MUC6: variants seen among roughly 807,000 people sequenced by gnomAD.
MUC6 encodes mucin-6.
MUC6 carries 188 observed loss-of-function variants against 201.5 expected under a neutral mutation model. The observed-to-expected ratio is 0.93, with a 90% CI of 0.83 to 1.05. The LOEUF (loss-of-function observed/expected upper bound fraction) is 1.05. Among genes scored for constraint, MUC6 ranks in the 50% least tolerant of loss-of-function variants. The pLI, the probability that MUC6 is intolerant of heterozygous loss-of-function variation, is 0.00. For missense variants in MUC6, 2,706 were observed against 3,256.9 expected, an observed-to-expected ratio of 0.83 and a Z score of 4.12; for synonymous variants, 1,228 against 1,389.4, an observed-to-expected ratio of 0.88 and a Z score of 2.58.
chr11:1,013,682 A>G (rs1396478912), intron 32 of MUC6, 49 bp from the exon 33 acceptor site: 1 of 1,519,348 alleles, frequency 6.6e-7, no homozygotes, highest in Admixed American at 2.0e-5. Flanking sequence ...GCAGGGGCAT[A>G]AGGCCCCTCC....
intron 7 of MUC6, 29 bp from the exon 8 acceptor site, chr11:1,030,364 G>A (rs1857071493): frequency 1.3e-6 from 2 of 1,540,258 alleles, no homozygotes; most frequent in Non-Finnish European, 8.7e-7. Context: ...CCGGTGAGAG[G>A]GTCCCACCCC....
Position 1,030,789 on chromosome 11 carries a change from G to C in MUC6, c.685-9C>G. On this transcript the variant is annotated splice_polypyrimidine_tract_variant and intron_variant, in intron 6 of 32. Transcript: ENST00000421673. The stretch of plus-strand genomic sequence containing the variant: ...TGGGTGCAGATCCGGGCCTGGGGGG[G>C]CCACTCAGGGTCATGGGGGCAAAGG... 1 of 1,534,882 alleles carries C rather than the reference G, an allele frequency of 6.5e-7. No homozygotes were observed. The highest frequency in any genetic ancestry group is 8.7e-7 in the Non-Finnish European group (1 of 1,146,066).
In MUC6 at chr11:1,013,899, C is replaced by T. The variant is rs1415710087; in HGVS notation, c.7142G>A (p.Ser2381Asn). The part of the protein sequence containing the change: ...RCEGACISAA[S>N]FNIITQQVDA... ...GCAGGCCTCCCACCTGTGGACTCACCTGGCAGCGGAAATGCAGGCGCCCTC... is the reference window on the plus strand; with the variant it reads ...GCAGGCCTCCCACCTGTGGACTCACTTGGCAGCGGAAATGCAGGCGCCCTC... Residue 2381 changes from serine (S) to asparagine (N), a missense_variant and splice_region_variant, in exon 32 of 33, where the codon AGC (serine) becomes AAC (asparagine). By Grantham distance (46) the Ser-to-Asn change is conservative. Transcript: ENST00000421673. The T allele has an allele frequency of 1.2e-5, 19 of 1,602,502 alleles. No individual in the cohort carries two copies. Among genetic ancestry groups the T allele is most frequent in the Non-Finnish European group, 1.5e-5 (18 of 1,175,622 alleles).
At position 1,018,665 on chromosome 11, in the gene MUC6, T is replaced by C. The variant is rs753536206; in HGVS notation, c.4136A>G (p.Gln1379Arg). 9 of 1,613,054 alleles carry C rather than the reference T, an allele frequency of 5.6e-6. No homozygotes were observed. The highest frequency in any genetic ancestry group is 7.6e-6 in the Non-Finnish European group (9 of 1,179,614). Residue 1379 changes from glutamine (Q) to arginine (R), a missense_variant, in exon 31 of 33, where the codon CAA (glutamine) becomes CGA (arginine). Physicochemically the swap from Gln to Arg is conservative, Grantham distance 43 (BLOSUM62 1). Transcript: ENST00000421673. Reference protein sequence around the residue: ...TTGPTTPQPGQPTRPTATETT... With the variant: ...TTGPTTPQPGRPTRPTATETT... ...CTCTGTGGCTGTGGGCCTCGTGGGTTGTCCTGGCTGTGGGGTGGTTGGGCC... is the reference window on the plus strand; with the variant it reads ...CTCTGTGGCTGTGGGCCTCGTGGGTCGTCCTGGCTGTGGGGTGGTTGGGCC...
Position 1,024,062 on chromosome 11 carries a change from T to G in MUC6, c.3267A>C (p.Ala1089=). 6.2e-7 allele frequency: 1 copy of G among 1,613,102 alleles called. No homozygotes were observed. The highest frequency in any genetic ancestry group is 1.3e-5 in the African/African-American group (1 of 75,058). ...LPYYEACVRD[A]CGCDSGGDCE... ...AGTCCCCGCCACTGTCACACCCACA[T>G]GCGTCGCGCACGCAGGCCTCGTAGT... The change falls in exon 25 of 33, where the codon GCA becomes GCC. Residue 1089 remains alanine, a synonymous_variant. Coordinates refer to ENST00000421673, the MANE Select transcript of MUC6 (RefSeq NM_005961.3).
Position 1,016,270 on chromosome 11 carries a change from C to T in MUC6, c.6531G>A (p.Ser2177=), listed in dbSNP as rs746672608. 52 of 1,612,690 alleles carry T rather than the reference C, an allele frequency of 3.2e-5. No individual in the cohort carries two copies. The highest frequency in any genetic ancestry group is 2.9e-4 in the East Asian group (13 of 44,880). ...GAGTGGACAATGAGGAGTGTGACCC[C>T]GAGCTCAGGGTTGTGGAGTGCACGG... The part of the protein sequence containing the change: ...SAPVHSTTLS[S]GSHSSLSTHP... The change falls in exon 31 of 33, where the codon TCG becomes TCA. Residue 2177 remains serine, a synonymous_variant. Transcript: ENST00000421673.
At position 1,031,878 on chromosome 11, in the gene MUC6, G is replaced by T; in HGVS notation, c.291C>A (p.Ile97=). 6.2e-7 allele frequency: 1 copy of T among 1,612,974 alleles called. No individual in the cohort carries two copies. The highest frequency in any genetic ancestry group is 8.5e-7 in the Non-Finnish European group (1 of 1,179,878). The change falls in exon 3 of 33, where the codon ATC becomes ATA. Residue 97 remains isoleucine (I), a synonymous_variant. Transcript: ENST00000421673. ...CGACGGAGGCCCCCAGCTCCACGAT[G>T]ATCCGCGAGATGCTCCCGTCTGGGC... The part of the protein sequence containing the change: ...RRGPDGSISR[I]IVELGASVVT...
rs754904897 is a variant in MUC6, at chr11:1,027,735, G to A, written c.1931C>T (p.Ser644Phe). 1.0e-4 allele frequency: 164 copies of A among 1,608,658 alleles called. No individual in the cohort carries two copies. Among genetic ancestry groups the A allele is most frequent in the Non-Finnish European group, 1.3e-4 (154 of 1,178,178 alleles). Residue 644 changes from serine to phenylalanine, a missense_variant, in exon 16 of 33, where the codon TCC becomes TTC. Physicochemically the swap from Ser to Phe is radical, Grantham distance 155. Around this residue, in one of 10 missense-constraint regions of MUC6, gnomAD observed 1,850 missense variants for 1,958.3 expected, o/e 0.94. Transcript: ENST00000421673. ...AALGDYVHACSLRGVLLWGWR... is the reference protein window; with the variant it reads ...AALGDYVHACFLRGVLLWGWR... ...GCCCCAGAGCAGGACGCCCCGCAAG[G>A]AGCAGGCGTGTACGTAGTCGCCCAG...
chr11:1,015,460 AG>A, intron 31 of MUC6, among the ~76,000 whole-genome samples: 1 of 152,246 alleles, frequency 6.6e-6, no homozygotes, highest in South Asian at 2.1e-4. Flanking sequence ...TAACACTCTG[AG>A]GGGAGGCCAG....
intron 20 of MUC6, 51 bp downstream of exon 20, chr11:1,026,276 C>A: frequency 6.5e-7 from 1 of 1,548,192 alleles, no homozygotes; most frequent in African/African-American, 1.4e-5. Context: ...CCTCCGCCTG[C>A]CCCAGATGGC....
At chr11:1,036,547 G>C in intron 1 of MUC6, 57 bp downstream of exon 1, 1 of 1,534,790 alleles carries the variant, frequency 6.5e-7, no homozygotes, top group Non-Finnish European at 8.8e-7. Context: ...AGAGACCCCC[G>C]CACACAGGGC....
rs747174903 is a variant in MUC6, at chr11:1,033,233, A to C, written c.53-158T>G. 19 of 669,582 alleles carry C rather than the reference A, an allele frequency of 2.8e-5. No individual in the cohort carries two copies. Among genetic ancestry groups the C allele is most frequent in the African/African-American group, 5.3e-5 (3 of 56,266 alleles). The allele number at this position is 669,582 out of a possible 1,614,324, so 41.5% of individuals were successfully genotyped here. A position where few individuals can be genotyped will look rare whatever the true frequency, so the allele number is the denominator to read the frequency against. ...GGGCTCGAGGCCTCAACAGCAAGCC[A>C]AGCGCTTGGCCTCCCATGCTGTCCT... On this transcript the variant is annotated intron_variant, in intron 1 of 32. Coordinates refer to ENST00000421673, the MANE Select transcript of MUC6 (RefSeq NM_005961.3). The surrounding 1 kb of genome is among the most constrained non-coding windows in gnomAD (Gnocchi z 5.6).
In MUC6 at chr11:1,016,993, G is replaced by T; in HGVS notation, c.5808C>A (p.Thr1936=). ...TACTGGTGTGTTTGGGGGTGATGTT[G>T]GTGGTAGAAGTTGGGGTGACTTCAG... ...HHPEVTPTST[T]NITPKHTSTG... The change falls in exon 31 of 33, where the codon ACC becomes ACA. Residue 1936 remains threonine (T), a synonymous_variant. Coordinates refer to ENST00000421673, the MANE Select transcript of MUC6 (RefSeq NM_005961.3). 6.2e-7 allele frequency: 1 copy of T among 1,613,666 alleles called. No homozygotes were observed. The highest frequency in any genetic ancestry group is 1.6e-4 in the Middle Eastern group (1 of 6,062).
chr11:1,023,177 C>T (rs1056661216), intron 26 of MUC6, among the ~76,000 whole-genome samples: 3 of 150,024 alleles, frequency 2.0e-5, no homozygotes, highest in Non-Finnish European at 3.0e-5. Context: ...GTGCATGAAT[C>T]TGCGGGAATG....
In MUC6 at chr11:1,020,101, G is replaced by T. The variant is rs765793492; in HGVS notation, c.3797C>A (p.Ala1266Asp). The T allele has an allele frequency of 6.2e-7, 1 of 1,613,624 alleles. No homozygotes were observed. The highest frequency in any genetic ancestry group is 1.7e-5 in the Admixed American group (1 of 59,998). ...PATLTSSKPT[A>D]SSGEPPRPTT... Reference sequence around the variant, plus strand: ...TGGAGGCTCCTTACCTCCCGAGGAGGCTGTGGGCTTGGAGGATGTGAGCGT... The same window carrying T: ...TGGAGGCTCCTTACCTCCCGAGGAGTCTGTGGGCTTGGAGGATGTGAGCGT... Residue 1266 changes from alanine (A) to aspartate (D), a missense_variant, in exon 29 of 33, where the codon GCC becomes GAC. Coordinates refer to ENST00000421673, the MANE Select transcript of MUC6 (RefSeq NM_005961.3).
intron 19 of MUC6, 134 bp from the exon 20 acceptor site, chr11:1,026,612 G>T: frequency 8.6e-7 from 1 of 1,164,876 alleles, no homozygotes; most frequent in East Asian, 2.6e-5. Context: ...TGTGGCCTTT[G>T]TGGGCAGCTG....
In MUC6 at chr11:1,015,802, G is replaced by T. The variant is rs767420462; in HGVS notation, c.6999C>A (p.Ala2333=). 6.4e-7 allele frequency: 1 copy of T among 1,557,010 alleles called. No individual in the cohort carries two copies. The highest frequency in any genetic ancestry group is 1.9e-5 in the Admixed American group (1 of 53,514). ...TAGGTGTCCCGAGAGAAGATACCGG[G>T]GCAGAAGCAGGGGTGCTTCCATGGG... ...LTAHGSTPAS[A]PVSSLGTPTP... Residue 2333 remains alanine (A), a synonymous_variant, in exon 31 of 33, where the codon GCC becomes GCA. Transcript: ENST00000421673.
chr11:1,025,051 G>A lies in MUC6; in HGVS notation c.3018C>T (p.Asn1006=), dbSNP rs554251976. 8.1e-6 allele frequency: 13 copies of A among 1,612,836 alleles called. No individual in the cohort carries two copies. Among genetic ancestry groups the A allele is most frequent in the South Asian group, 5.5e-5 (5 of 91,080 alleles). ...DPLCGLCGNF[N]GNMKDDFETR... ...TCTCGAAGTCGTCCTTCATGTTCCC[G>A]TTGAAGTTGCCACACAAGCCGCAGA... is the stretch of plus-strand genomic sequence containing the variant. The change falls in exon 24 of 33, where the codon AAC becomes AAT. Residue 1006 remains asparagine (N), a synonymous_variant. Transcript: ENST00000421673.
chr11:1,031,266 GA>G lies in MUC6; in HGVS notation c.484-8del. Reference sequence around the variant, plus strand: ...ACTTCCGCTCCACCAGAACCTGCGGGAGACGGCTCTGCTGGGGGCCCGGGGG... The same window carrying G: ...ACTTCCGCTCCACCAGAACCTGCGGGGACGGCTCTGCTGGGGGCCCGGGGG... On this transcript the variant is annotated splice_region_variant and splice_polypyrimidine_tract_variant and intron_variant, in intron 4 of 32. Coordinates refer to ENST00000421673, the MANE Select transcript of MUC6 (RefSeq NM_005961.3). The G allele has an allele frequency of 6.4e-7, 1 of 1,560,340 alleles. No homozygotes were observed. The highest frequency in any genetic ancestry group is 8.7e-7 in the Non-Finnish European group (1 of 1,152,990).
Sources: allele counts gnomAD v4.1 joint callset (sites outside exome capture counted in the v4.1 genomes callset), GRCh38; gene constraint gnomAD v4.1.1; regional missense constraint gnomAD v4.1.1; non-coding constraint Gnocchi (gnomAD v3.1); transcripts MANE v1.5; gene names NCBI Gene and HGNC (gene_info 2026-07-23, HGNC 2026-07-21).